Variants in LRRK1 observed in about 807,000 individuals in gnomAD.
The protein encoded by LRRK1 is leucine rich repeat kinase 1.
Under a neutral mutation model 209.1 loss-of-function variants are expected in LRRK1, and 113 were observed. The observed-to-expected ratio is 0.54, with a 90% confidence interval of 0.46 to 0.63. The LOEUF is 0.63. LRRK1 is among the 30% of genes least tolerant of loss of function. The pLI is 0.00. For missense variants in LRRK1, 2,284 were observed against 2,632.2 expected (o/e 0.87, Z 2.89); for synonymous variants, 1,144 against 1,099.7 (o/e 1.04, Z -0.80).
chr15:101,067,161 T>C, intron 33 of LRRK1: 1 of 429,426 alleles, frequency 2.3e-6, no homozygotes, highest in Admixed American at 2.5e-5. Flanking sequence ...CCTTGTCATC[T>C]CCAAGCCTGG....
At chr15:101,049,569 C>T in intron 22 of LRRK1, 75 bp from the exon 23 acceptor site, 2 of 1,554,758 alleles carry the variant, frequency 1.3e-6, no homozygotes, top group Non-Finnish European at 1.7e-6. Flanking sequence ...GTTCCTGTCC[C>T]TGGGGGTAGG....
At position 101,039,577 on chromosome 15, in the gene LRRK1, GCT is replaced by G. The variant is rs148950039; in HGVS notation, c.2964-6401_2964-6400del. On this transcript the variant is annotated intron_variant, in intron 20 of 33. Coordinates refer to ENST00000388948, the MANE Select transcript of LRRK1 (RefSeq NM_024652.6). ...CATTCTAATCTTCACATATTTTTTT[GCT>G]CTGTTTGCCTGATTGCATTGGCTCG... Among the ~76,000 whole-genome samples the G allele has an allele frequency of 6.3e-3, 961 of 151,672 alleles. 11 individuals are homozygous for G. Among genetic ancestry groups the G allele is most frequent in the African/African-American group, 0.022 (908 of 41,362 alleles).
At position 101,074,982 on chromosome 15, in the gene LRRK1, CCCAGA is replaced by C; in HGVS notation, c.*6135_*6139del. ...CCCAAGGCTCTCTGACTGACTCCTT[CCCAGA>C]TCTTCTTGGCTTAGCGGCTGAAGAC... On this transcript the variant is annotated 3_prime_UTR_variant, in exon 34 of 34. Transcript: ENST00000388948. 5.5e-5 allele frequency: 8 copies of C among 145,362 alleles called. No individual in the cohort carries two copies. The highest frequency in any genetic ancestry group is 7.5e-5 in the Non-Finnish European group (5 of 66,642). 9.0% of individuals were successfully genotyped at this position (145,362 alleles called of 1,614,324 possible).
chr15:101,059,885 C>T (rs2036055865), intron 29 of LRRK1, among the ~76,000 whole-genome samples: 1 of 152,314 alleles, frequency 6.6e-6, no homozygotes, highest in Middle Eastern at 3.4e-3. Flanking sequence ...ACCCTAGAAG[C>T]AAGGACATCG....
Position 101,024,851 on chromosome 15 carries a change from A to T in LRRK1, c.2116A>T (p.Met706Leu). The T allele has an allele frequency of 6.2e-7, 1 of 1,614,158 alleles. No homozygotes were observed. Among genetic ancestry groups the T allele is most frequent in the Non-Finnish European group, 8.5e-7 (1 of 1,180,000 alleles). ...NVWDIGGPAS[M>L]ATVNQCFFTD... ...CTGGGACATCGGGGGACCGGCCAGC[A>T]TGGCCACTGTCAACCAGTGCTTCTT... Residue 706 changes from methionine to leucine, a missense_variant, in exon 16 of 34, where the codon ATG becomes TTG. Transcript: ENST00000388948. This position sits in a 1 kb window ranked among gnomAD's most constrained non-coding sequence, Gnocchi z 4.6.
Position 101,051,763 on chromosome 15 carries a change from C to G in LRRK1, c.3492C>G (p.Pro1164=), listed in dbSNP as rs766831834. 6.2e-7 allele frequency: 1 copy of G among 1,614,046 alleles called. No individual in the cohort carries two copies. Among genetic ancestry groups the G allele is most frequent in the South Asian group, 1.1e-5 (1 of 91,090 alleles). ...CGCCACTCATGGAGCAGTACGTGCC[C>G]TGCCCGGTCTGCGAGACAGCCTGGG... ...DGTPLMEQYV[P]CPVCETAWAQ... The change falls in exon 24 of 34, where the codon CCC becomes CCG. Residue 1164 remains proline, a synonymous_variant. Transcript: ENST00000388948.
At chr15:101,013,976 CAG>C (rs1052009715) in intron 10 of LRRK1, among the ~76,000 whole-genome samples, 3 of 152,188 alleles carry the variant, frequency 2.0e-5, no homozygotes, top group Non-Finnish European at 2.9e-5. Flanking sequence ...TCCAAACCAT[CAG>C]AGTCTGGCAC....
At chr15:101,041,664 C>G (rs1235271310) in intron 20 of LRRK1, among the ~76,000 whole-genome samples, 2 of 152,232 alleles carry the variant, frequency 1.3e-5, no homozygotes, top group East Asian at 3.9e-4. Flanking sequence ...CTCCCAGCAC[C>G]CTCTGTACTC....
At chr15:100,923,494 T>G (rs2042054748) in intron 1 of LRRK1, among the ~76,000 whole-genome samples, 1 of 152,340 alleles carries the variant, frequency 6.6e-6, no homozygotes, top group East Asian at 1.9e-4. Flanking sequence ...CTTCATCACA[T>G]GTAGGATATG....
chr15:101,008,358 C>A (rs2033071777), intron 6 of LRRK1, among the ~76,000 whole-genome samples: 1 of 152,102 alleles, frequency 6.6e-6, no homozygotes, highest in African/African-American at 2.4e-5. Flanking sequence ...AGCACCCTGG[C>A]GCGGTGCGGG....
chr15:101,063,931 T>A (rs955550030), intron 31 of LRRK1, among the ~76,000 whole-genome samples: 1 of 151,578 alleles, frequency 6.6e-6, no homozygotes, highest in African/African-American at 2.4e-5. Context: ...CGACACAAAG[T>A]GTTATTGAGG....
chr15:100,920,495 A>G (rs553363186), intron 1 of LRRK1, among the ~76,000 whole-genome samples: 4 of 152,310 alleles, frequency 2.6e-5, no homozygotes, highest in African/African-American at 7.2e-5. Context: ...ATTTGTTCCT[A>G]AAGGAGGTTT....
In LRRK1 at chr15:101,027,183, C is replaced by A. The variant is rs747197411; in HGVS notation, c.2406-78C>A. 5.7e-6 allele frequency: 9 copies of A among 1,573,162 alleles called. No homozygotes were observed. Among genetic ancestry groups the A allele is most frequent in the African/African-American group, 2.7e-5 (2 of 73,968 alleles). On this transcript the variant is annotated intron_variant, in intron 17 of 33. Transcript: ENST00000388948. This position sits in a 1 kb window ranked among gnomAD's most constrained non-coding sequence, Gnocchi z 5.1. ...AGACTTGCCAGCGTTCAGGACAAAC[C>A]TCTCAGGGAAACAGAGAAGCAGCAG...
At chr15:101,039,254 C>G (rs2034631610) in intron 20 of LRRK1, among the ~76,000 whole-genome samples, 1 of 152,094 alleles carries the variant, frequency 6.6e-6, no homozygotes, top group African/African-American at 2.4e-5. Context: ...TGGTATATCT[C>G]TCATTTATTT....
chr15:100,972,932 A>ACACACACG (rs1398335748), intron 2 of LRRK1, among the ~76,000 whole-genome samples: 1 of 138,718 alleles, frequency 7.2e-6, no homozygotes, highest in African/African-American at 2.4e-5. Context: ...ACACACACAC[A>ACACACACG]CACACCCAGT....
At chr15:101,039,476 C>T (rs187910416) in intron 20 of LRRK1, among the ~76,000 whole-genome samples, 2 of 152,276 alleles carry the variant, frequency 1.3e-5, no homozygotes, top group Admixed American at 6.5e-5. Context: ...GCTAAATTCA[C>T]CTATTAGCTC....
At chr15:101,003,935 T>C (rs9920618) in intron 6 of LRRK1, among the ~76,000 whole-genome samples, 83,187 of 151,980 alleles carry the variant, frequency 0.55, 24,551 homozygotes, top group African/African-American at 0.79. Context: ...CCAGCAGCCC[T>C]TTGAGCACAT....
chr15:100,935,981 A>G lies in LRRK1; in HGVS notation c.97+11252A>G, dbSNP rs1038653307. ...GAAGCCTCTAGGCCTCCCAAGGCAT[A>G]GGCCTAGACCTGGTACAGCATCACT... On this transcript the variant is annotated intron_variant, in intron 2 of 33. Transcript: ENST00000388948. 5.3e-5 allele frequency among the ~76,000 whole-genome samples: 8 copies of G among 152,298 alleles called. No individual in the cohort carries two copies. The East Asian group carries it at 1.2e-3, about 22-fold the overall frequency.
chr15:100,976,987 A>T (rs1312455335), intron 3 of LRRK1, among the ~76,000 whole-genome samples: 1 of 152,224 alleles, frequency 6.6e-6, no homozygotes, highest in Non-Finnish European at 1.5e-5. Flanking sequence ...TCTTCTTCTC[A>T]CTAAGTGCAC....
Sources: gnomAD v4.1 joint callset for allele counts (sites outside exome capture counted in the v4.1 genomes callset) on GRCh38, gnomAD v4.1.1 for gene constraint, Gnocchi (gnomAD v3.1) non-coding constraint, MANE v1.5 for transcripts, NCBI Gene and HGNC (gene_info 2026-07-23, HGNC 2026-07-21) for gene names.